The following STAT3 variants were observed in gnomAD, a reference collection of about 807,000 sequenced individuals.
STAT3 encodes the protein signal transducer and activator of transcription 3, also known as DNA-binding protein APRF.
Under a neutral mutation model 114.3 loss-of-function variants are expected in STAT3, and 7 were observed. The ratio of observed to expected loss-of-function variants is 0.06; its 90% confidence interval spans 0.03 to 0.11. The LOEUF (loss-of-function observed/expected upper bound fraction) is 0.11, where lower values mean the gene tolerates loss of function less well. Among genes scored for constraint, STAT3 ranks in the 10% least tolerant of loss-of-function variants. The pLI is 1.00. For missense variants in STAT3, 364 were observed against 960.9 expected (o/e 0.38, Z 8.21); for synonymous variants, 331 against 354.5 (o/e 0.93, Z 0.74).
chr17:42,343,083 G>A (rs953998180), intron 4 of STAT3, among the ~76,000 whole-genome samples: 50 of 150,072 alleles, frequency 3.3e-4, no homozygotes, highest in Non-Finnish European at 5.6e-4. Flanking sequence ...GAGGCAGGAG[G>A]ATCGCTAGGG....
intron 10 of STAT3, among the ~76,000 whole-genome samples, chr17:42,332,537 C>CAAA (rs759010924): frequency 1.2e-4 from 5 of 40,760 alleles, no homozygotes; most frequent in Non-Finnish European, 1.8e-4. Context: ...GACTCCATCT[C>CAAA]AAAAAAAAAA....
chr17:42,386,280 C>CAAAA (rs61454571), intron 1 of STAT3, among the ~76,000 whole-genome samples: 2 of 106,204 alleles, frequency 1.9e-5, no homozygotes, highest in South Asian at 3.0e-4. Flanking sequence ...GACTCTGACT[C>CAAAA]AAAAAAAAAA....
At chr17:42,386,878 GAACA>G (rs2085133666) in intron 1 of STAT3, 1 of 152,032 alleles carries the variant, frequency 6.6e-6, no homozygotes, top group Non-Finnish European at 1.5e-5. Flanking sequence ...TGTGCAAACT[GAACA>G]AAAACTGGGC....
intron 8 of STAT3, among the ~76,000 whole-genome samples, chr17:42,335,606 T>C (rs916392085): frequency 6.6e-6 from 1 of 152,168 alleles, no homozygotes; most frequent in Admixed American, 6.5e-5. Context: ...AAAAAGCTCA[T>C]TAAATCTATC....
At chr17:42,351,306 T>C (rs8073517) in intron 1 of STAT3, among the ~76,000 whole-genome samples, 71,393 of 151,700 alleles carry the variant, frequency 0.47, 19,742 homozygotes, top group African/African-American at 0.78. Flanking sequence ...AGTGCAGTGG[T>C]TCAATCACAG....
At position 42,346,733 on chromosome 17, in the gene STAT3, T is replaced by C. The variant is rs1365501209; in HGVS notation, c.129-20A>G. On this transcript the variant is annotated intron_variant, in intron 2 of 23. Transcript: ENST00000264657. Reference sequence around the variant, plus strand: ...TATGCCCTAGGAAAAGGAAGAATGATAAAGAATGGCTCTGAAGCCGACGCA... The same window carrying C: ...TATGCCCTAGGAAAAGGAAGAATGACAAAGAATGGCTCTGAAGCCGACGCA... The C allele has an allele frequency of 6.2e-7, 1 of 1,613,962 alleles. No homozygotes were observed. The highest frequency in any genetic ancestry group is 8.5e-7 in the Non-Finnish European group (1 of 1,179,992).
chr17:42,376,573 G>A (rs1369697865), intron 1 of STAT3, among the ~76,000 whole-genome samples: 1 of 150,658 alleles, frequency 6.6e-6, no homozygotes, highest in Admixed American at 6.6e-5. Context: ...CCGGCCAGGT[G>A]CGGTGGCTCA....
chr17:42,344,293 G>A (rs1007797005), intron 4 of STAT3, among the ~76,000 whole-genome samples: 20 of 151,384 alleles, frequency 1.3e-4, no homozygotes, highest in African/African-American at 3.9e-4. Context: ...GTGGTGGCGC[G>A]CGCCTGTAGT....
intron 8 of STAT3, among the ~76,000 whole-genome samples, chr17:42,334,535 C>G (rs1373595605): frequency 6.6e-6 from 1 of 151,310 alleles, no homozygotes; most frequent in African/African-American, 2.4e-5. Flanking sequence ...ACCTCCGCCT[C>G]CCAAGTTCAA....
chr17:42,334,439 CTTTTTT>C (rs56055491), intron 8 of STAT3, among the ~76,000 whole-genome samples: 2 of 70,200 alleles, frequency 2.8e-5, no homozygotes, highest in Non-Finnish European at 5.9e-5. Context: ...TGCGCCTGGC[CTTTTTT>C]TTTTTTTTTT....
intron 3 of STAT3, among the ~76,000 whole-genome samples, 161 bp from the exon 4 acceptor site, chr17:42,345,818 G>A (rs540893661): frequency 3.3e-5 from 5 of 152,076 alleles, no homozygotes; most frequent in South Asian, 2.1e-4. Context: ...CTCTGTCGGC[G>A]GGGGGCGAAG....
intron 1 of STAT3, among the ~76,000 whole-genome samples, chr17:42,380,035 T>C (rs959667075): frequency 3.3e-5 from 5 of 152,122 alleles, no homozygotes; most frequent in African/African-American, 1.2e-4. Context: ...ATATGACAGT[T>C]TTTTGTTTTT....
At chr17:42,343,455 CTTTTTTTTTTT>C (rs34846688) in intron 4 of STAT3, among the ~76,000 whole-genome samples, 1 of 99,172 alleles carries the variant, frequency 1.0e-5, no homozygotes, top group African/African-American at 3.9e-5. Context: ...TCAGATCTTT[CTTTTTTTTTTT>C]TTTTTTTTTT....
intron 11 of STAT3, among the ~76,000 whole-genome samples, chr17:42,330,796 T>C (rs1260894382): frequency 6.6e-6 from 1 of 152,136 alleles, no homozygotes; most frequent in Non-Finnish European, 1.5e-5. Context: ...TATTGTGAAA[T>C]TTTGCGTATT....
intron 4 of STAT3, among the ~76,000 whole-genome samples, chr17:42,340,355 C>CAAAAAAA (rs10706259): frequency 8.5e-6 from 1 of 117,064 alleles, no homozygotes. Flanking sequence ...AACTCCATCT[C>CAAAAAAA]AAAAAAAAAA....
At position 42,324,520 on chromosome 17, in the gene STAT3, C is replaced by T. The variant is rs17881621; in HGVS notation, c.1600+191G>A. ...CCTCCCACCTCAAAAATGATCACCT[C>T]GACTGAAAACTGCAAACTGTCTCTG... On this transcript the variant is annotated intron_variant, in intron 17 of 23. Transcript: ENST00000264657. The surrounding 1 kb of genome is among the most constrained non-coding windows in gnomAD (Gnocchi z 4.5). Among the ~76,000 whole-genome samples, 4,602 of 152,118 alleles carry T rather than the reference C, an allele frequency of 0.03. 242 individuals are homozygous for T. Among genetic ancestry groups the T allele is most frequent in the African/African-American group, 0.11 (4,398 of 41,464 alleles).
rs2082283534 is a variant in STAT3, at chr17:42,337,703, C to T, written c.645+60G>A. ...AAACCAAGCAAGTTCTGCCACAAGA[C>T]GCTGAAATCCCGCAAGTGAGCGAGA... On this transcript the variant is annotated intron_variant, in intron 7 of 23. Coordinates refer to ENST00000264657, the MANE Select transcript of STAT3 (RefSeq NM_139276.3). The surrounding 1 kb of genome is among the most constrained non-coding windows in gnomAD (Gnocchi z 4.0). 13 of 1,613,446 alleles carry T rather than the reference C, an allele frequency of 8.1e-6. No homozygotes were observed. The highest frequency in any genetic ancestry group is 1.7e-4 in the Middle Eastern group (1 of 6,018).
In STAT3 at chr17:42,315,683, G is replaced by T; in HGVS notation, c.*62C>A. The T allele has an allele frequency of 6.5e-7, 1 of 1,532,774 alleles. No homozygotes were observed. The highest frequency in any genetic ancestry group is 9.0e-7 in the Non-Finnish European group (1 of 1,106,126). The allele number at this position is 1,532,774 out of a possible 1,614,324, so 94.9% of individuals were successfully genotyped here. A position where few individuals can be genotyped will look rare whatever the true frequency, so the allele number is the denominator to read the frequency against. ...ATGATCTGGGGTTTGGCTGTGTGAG[G>T]GGTGGCAGAATGCAGGTAGGCGCCT... On this transcript the variant is annotated 3_prime_UTR_variant, in exon 24 of 24. Transcript: ENST00000264657.
At chr17:42,362,944 G>T (rs938557782) in intron 1 of STAT3, among the ~76,000 whole-genome samples, 1 of 152,128 alleles carries the variant, frequency 6.6e-6, no homozygotes, top group Admixed American at 6.5e-5. Flanking sequence ...CCATCACCAT[G>T]ACTTGCACCC....
Sources: gnomAD v4.1 joint callset for allele counts (sites outside exome capture counted in the v4.1 genomes callset) on GRCh38, gnomAD v4.1.1 for gene constraint, Gnocchi (gnomAD v3.1) non-coding constraint, MANE v1.5 for transcripts, NCBI Gene and HGNC (gene_info 2026-07-23, HGNC 2026-07-21) for gene names.